The following TBC1D5 variants were observed in gnomAD, a reference collection of about 807,000 sequenced individuals.
The protein encoded by TBC1D5 is TBC1 domain family, member 5.
Under a neutral mutation model 100.3 loss-of-function variants are expected in TBC1D5, and 75 were observed. The observed-to-expected ratio is 0.75, with a 90% CI of 0.62 to 0.91. The LOEUF (loss-of-function observed/expected upper bound fraction) is 0.91, where lower values mean the gene tolerates loss of function less well. TBC1D5 is among the 40% of genes least tolerant of loss of function. TBC1D5 has a pLI of 0.00. For missense variants in TBC1D5, 910 were observed against 942.4 expected (o/e 0.97, Z 0.45); for synonymous variants, 323 against 325.6 (o/e 0.99, Z 0.09).
At chr3:17,488,103 C>A (rs1315245765) in intron 3 of TBC1D5, among the ~76,000 whole-genome samples, 2 of 152,162 alleles carry the variant, frequency 1.3e-5, no homozygotes, top group South Asian at 4.1e-4. Context: ...AGTTTCACTG[C>A]CCTAAAGATC....
chr3:17,645,438 G>A (rs548742528), intron 1 of TBC1D5, among the ~76,000 whole-genome samples: 2 of 152,090 alleles, frequency 1.3e-5, no homozygotes, highest in Non-Finnish European at 2.9e-5. Flanking sequence ...GCAGCTGTCA[G>A]GAACTGGTAA....
chr3:17,214,980 G>A (rs140548417), intron 17 of TBC1D5, among the ~76,000 whole-genome samples: 149 of 152,116 alleles, frequency 9.8e-4, no homozygotes, highest in Middle Eastern at 3.4e-3. Context: ...CAAAGTGACC[G>A]GTATGGTTAG....
intron 13 of TBC1D5, among the ~76,000 whole-genome samples, chr3:17,323,935 G>A (rs1454511035): frequency 2.0e-5 from 3 of 152,160 alleles, no homozygotes; most frequent in African/African-American, 7.2e-5. Context: ...TACTATAAAA[G>A]TCTTTACTTT....
intron 2 of TBC1D5, among the ~76,000 whole-genome samples, chr3:17,608,002 G>A (rs766928680): frequency 2.6e-5 from 4 of 152,068 alleles, no homozygotes; most frequent in Non-Finnish European, 5.9e-5. Flanking sequence ...AATTCTACAG[G>A]AAACATAATA....
intron 15 of TBC1D5, among the ~76,000 whole-genome samples, chr3:17,290,212 C>T (rs283911): frequency 0.4 from 61,309 of 151,802 alleles, 13,028 homozygotes; most frequent in Middle Eastern, 0.5. Flanking sequence ...TTCTCTTAAA[C>T]CTTAAAGAAT....
At chr3:17,589,995 T>C (rs1479099950) in intron 2 of TBC1D5, among the ~76,000 whole-genome samples, 1 of 152,112 alleles carries the variant, frequency 6.6e-6, no homozygotes, top group African/African-American at 2.4e-5. Flanking sequence ...GTATGGGAAG[T>C]ATTCCAGTAT....
chr3:17,437,094 G>C (rs2094549651), intron 3 of TBC1D5, among the ~76,000 whole-genome samples: 1 of 152,176 alleles, frequency 6.6e-6, no homozygotes, highest in African/African-American at 2.4e-5. Flanking sequence ...TTAATACTGT[G>C]AATTCAATCT....
At chr3:17,343,823 T>G (rs1036521127) in intron 13 of TBC1D5, among the ~76,000 whole-genome samples, 6 of 152,158 alleles carry the variant, frequency 3.9e-5, no homozygotes, top group African/African-American at 1.4e-4. Context: ...ATCCCCTTTA[T>G]CATTTTTTAT....
At chr3:17,180,930 A>AAAAAG (rs1222872106) in intron 19 of TBC1D5, among the ~76,000 whole-genome samples, 2 of 151,910 alleles carry the variant, frequency 1.3e-5, no homozygotes, top group Admixed American at 1.3e-4. Flanking sequence ...AAAAAAAAAA[A>AAAAAG]AAAAGAAAAG....
At chr3:17,417,348 T>C (rs186437656) in intron 4 of TBC1D5, among the ~76,000 whole-genome samples, 9,915 of 100,048 alleles carry the variant, frequency 0.099, 871 homozygotes, top group African/African-American at 0.28. Flanking sequence ...CCCCTCCCCC[T>C]ACCCCACAAC....
intron 2 of TBC1D5, among the ~76,000 whole-genome samples, chr3:17,613,057 C>A (rs1577019935): frequency 6.6e-6 from 1 of 152,044 alleles, no homozygotes; most frequent in African/African-American, 2.4e-5. Flanking sequence ...CACAACAGAC[C>A]CCGGTGTGTG....
At chr3:17,630,425 T>C (rs1309791906) in intron 1 of TBC1D5, among the ~76,000 whole-genome samples, 1 of 152,246 alleles carries the variant, frequency 6.6e-6, no homozygotes, top group East Asian at 1.9e-4. Context: ...TTCATTATTA[T>C]CATATCTGCT....
intron 2 of TBC1D5, among the ~76,000 whole-genome samples, chr3:17,600,155 C>G (rs536414498): frequency 6.6e-5 from 10 of 152,166 alleles, no homozygotes; most frequent in Non-Finnish European, 7.4e-5. Context: ...CTAGACATAT[C>G]TCCAAATGAA....
At chr3:17,283,124 A>T (rs1368028790) in intron 15 of TBC1D5, among the ~76,000 whole-genome samples, 1 of 152,246 alleles carries the variant, frequency 6.6e-6, no homozygotes, top group African/African-American at 2.4e-5. Context: ...CTTTCCTCTA[A>T]GAAACTTTCT....
In TBC1D5 at chr3:17,580,761, C is replaced by A. The variant is rs377435915; in HGVS notation, c.-36+43088G>T. 1.7e-4 allele frequency among the ~76,000 whole-genome samples: 26 copies of A among 152,210 alleles called. No individual in the cohort carries two copies. The East Asian group carries it at 1.9e-3, about 11-fold the overall frequency. ...AACTTCACCTATAAATAAGATTTCC[C>A]CTCTTCCTTCAAACATTTACATCAC... is the stretch of plus-strand genomic sequence containing the variant. On this transcript the variant is annotated intron_variant, in intron 2 of 21. Coordinates refer to ENST00000253692, the Ensembl canonical transcript of TBC1D5.
At chr3:17,377,539 G>T (rs760922468) in intron 9 of TBC1D5, among the ~76,000 whole-genome samples, 2 of 151,946 alleles carry the variant, frequency 1.3e-5, no homozygotes, top group Non-Finnish European at 2.9e-5. Context: ...AGTAACTAGG[G>T]ATGCTCTTTT....
At chr3:17,269,409 C>G (rs1440312864) in intron 15 of TBC1D5, among the ~76,000 whole-genome samples, 1 of 152,154 alleles carries the variant, frequency 6.6e-6, no homozygotes, top group East Asian at 1.9e-4. Flanking sequence ...CTAAGTAGAG[C>G]TGTCCACAGA....
chr3:17,656,012 T>C (rs1292321331), intron 1 of TBC1D5, among the ~76,000 whole-genome samples: 2 of 152,210 alleles, frequency 1.3e-5, no homozygotes, highest in African/African-American at 4.8e-5. Context: ...AGGACACTAA[T>C]ACAGCTATTA....
chr3:17,504,558 C>T (rs2095824311), intron 3 of TBC1D5, among the ~76,000 whole-genome samples: 1 of 152,154 alleles, frequency 6.6e-6, no homozygotes, highest in African/African-American at 2.4e-5. Context: ...TTAGAACTGG[C>T]TTAGCATATC....
Sources: allele counts gnomAD v4.1 joint callset (sites outside exome capture counted in the v4.1 genomes callset), GRCh38; gene constraint gnomAD v4.1.1; transcripts MANE v1.5; gene names NCBI Gene and HGNC (gene_info 2026-07-23, HGNC 2026-07-21).